TRAK1: variants seen among roughly 807,000 people sequenced by gnomAD.
TRAK1 encodes the protein trafficking kinesin protein 1.
In TRAK1, 33 loss-of-function variants were observed where a neutral mutation model predicts 92.1. The observed-to-expected ratio is 0.36, with a 90% CI of 0.27 to 0.48. The LOEUF (loss-of-function observed/expected upper bound fraction) is 0.48. Among genes scored for constraint, TRAK1 ranks in the 20% least tolerant of loss-of-function variants. The pLI is 0.99. For missense variants in TRAK1, 1,123 were observed against 1,257.9 expected (o/e 0.89, Z 1.62); for synonymous variants, 521 against 517.3 (o/e 1.01, Z -0.10).
At chr3:42,211,913 T>C in intron 14 of TRAK1, 1 of 985,364 alleles carries the variant, frequency 1.0e-6, no homozygotes, top group Non-Finnish European at 1.2e-6. Context: ...AGGTGTGTAA[T>C]AAAAAAGAAT....
intron 2 of TRAK1, among the ~76,000 whole-genome samples, chr3:42,156,062 C>G (rs189529437): frequency 1.9e-4 from 29 of 152,296 alleles, no homozygotes; most frequent in African/African-American, 5.5e-4. Context: ...GCCTTTGATA[C>G]GGCACACACA....
At chr3:42,205,102 G>GCTC (rs1708177735) in intron 13 of TRAK1, among the ~76,000 whole-genome samples, 2 of 152,118 alleles carry the variant, frequency 1.3e-5, no homozygotes, top group African/African-American at 4.8e-5. Context: ...ATAGCCATCA[G>GCTC]ACCAGACTGT....
intron 2 of TRAK1, among the ~76,000 whole-genome samples, chr3:42,125,975 C>T (rs1403876795): frequency 6.6e-5 from 10 of 151,970 alleles, no homozygotes; most frequent in African/African-American, 2.4e-4. Context: ...TTCAGCCTCC[C>T]GAGTAGCTGG....
At chr3:42,064,316 T>G (rs985456193) in intron 1 of TRAK1, among the ~76,000 whole-genome samples, 3 of 151,070 alleles carry the variant, frequency 2.0e-5, no homozygotes, top group African/African-American at 7.3e-5. Flanking sequence ...ATACAAAAAT[T>G]AGCCAGTCTT....
In TRAK1 at chr3:42,189,127, G is replaced by GATGTGCCCTCCCTTCTCTTGC; in HGVS notation, c.690+4_690+24dup. On this transcript the variant is annotated splice_donor_region_variant and intron_variant, in intron 6 of 15. Coordinates refer to ENST00000327628, the MANE Select transcript of TRAK1 (RefSeq NM_001042646.3). Reference sequence around the variant, plus strand: ...AGAATGTTGTACTTCGATCCGAGGTGATGTGCCCTCCCTTCTCTTGCCCCT... The same window carrying GATGTGCCCTCCCTTCTCTTGC: ...AGAATGTTGTACTTCGATCCGAGGTGATGTGCCCTCCCTTCTCTTGCATGTGCCCTCCCTTCTCTTGCCCCT... The GATGTGCCCTCCCTTCTCTTGC allele has an allele frequency of 3.1e-6, 5 of 1,607,332 alleles. No homozygotes were observed. The highest frequency in any genetic ancestry group is 4.3e-6 in the Non-Finnish European group (5 of 1,173,752).
chr3:42,123,297 G>A (rs1710136742), intron 1 of TRAK1, among the ~76,000 whole-genome samples: 1 of 152,230 alleles, frequency 6.6e-6, no homozygotes, highest in Non-Finnish European at 1.5e-5. Context: ...CTACCTGAGT[G>A]TGTACAGGCC....
At chr3:42,185,025 G>A (rs1704591759) in intron 4 of TRAK1, 2 of 524,624 alleles carry the variant, frequency 3.8e-6, no homozygotes, top group East Asian at 6.1e-5. Flanking sequence ...TCTTTCCTCA[G>A]GCCATGTGGA....
At chr3:42,029,101 A>G (rs1206465782) in intron 1 of TRAK1, among the ~76,000 whole-genome samples, 5 of 152,122 alleles carry the variant, frequency 3.3e-5, no homozygotes, top group African/African-American at 1.2e-4. Context: ...GAGAAAAGAT[A>G]GAGGTGCTAC....
chr3:42,043,410 C>T (rs908585627), intron 1 of TRAK1, among the ~76,000 whole-genome samples: 1 of 151,946 alleles, frequency 6.6e-6, no homozygotes, highest in Admixed American at 6.6e-5. Context: ...TGCCTTTTCT[C>T]CTCCTAGTCC....
At chr3:42,039,405 C>A (rs1201670171) in intron 1 of TRAK1, among the ~76,000 whole-genome samples, 1 of 152,128 alleles carries the variant, frequency 6.6e-6, no homozygotes, top group Non-Finnish European at 1.5e-5. Context: ...GTTCTGTCAC[C>A]CAGGCTGGAG....
intron 2 of TRAK1, among the ~76,000 whole-genome samples, chr3:42,165,462 A>G (rs1193812012): frequency 6.6e-6 from 1 of 152,202 alleles, no homozygotes; most frequent in African/African-American, 2.4e-5. Flanking sequence ...TTCAGCACAG[A>G]TGGAGCACAT....
intron 1 of TRAK1, among the ~76,000 whole-genome samples, chr3:42,042,181 C>T (rs1702570221): frequency 2.0e-5 from 3 of 152,138 alleles, no homozygotes; most frequent in African/African-American, 7.2e-5. Flanking sequence ...CCCACCTTGA[C>T]CTCCCAAAGT....
chr3:42,179,433 T>G (rs1338221110), intron 3 of TRAK1, among the ~76,000 whole-genome samples: 1 of 152,190 alleles, frequency 6.6e-6, no homozygotes, highest in Non-Finnish European at 1.5e-5. Flanking sequence ...AGAGTTCGCT[T>G]CTGGTTTTAA....
upstream of TRAK1, among the ~76,000 whole-genome samples, chr3:42,089,521 G>A (rs1704873902): frequency 6.6e-6 from 1 of 152,126 alleles, no homozygotes; most frequent in Non-Finnish European, 1.5e-5. Flanking sequence ...TGCCTCCTCT[G>A]TGCCCTCCGT....
At chr3:42,054,041 A>C (rs1703093831) in intron 1 of TRAK1, among the ~76,000 whole-genome samples, 1 of 152,202 alleles carries the variant, frequency 6.6e-6, no homozygotes, top group Non-Finnish European at 1.5e-5. Context: ...AGATTTAGTG[A>C]GCACCTGCTA....
chr3:42,139,275 C>T (rs565202351), intron 2 of TRAK1, among the ~76,000 whole-genome samples: 9 of 152,284 alleles, frequency 5.9e-5, no homozygotes, highest in African/African-American at 2.2e-4. Context: ...CTTCTCTTCT[C>T]TTACTGCTCA....
At chr3:42,177,156 T>TA (rs1306084080) in intron 3 of TRAK1, among the ~76,000 whole-genome samples, 2 of 152,212 alleles carry the variant, frequency 1.3e-5, no homozygotes, top group African/African-American at 2.4e-5. Context: ...GTTGTAAGTA[T>TA]AAAAAATCCT....
chr3:42,096,473 C>T (rs1046004574), intron 1 of TRAK1, among the ~76,000 whole-genome samples: 1 of 152,158 alleles, frequency 6.6e-6, no homozygotes, highest in Non-Finnish European at 1.5e-5. Context: ...AGGCTGGTCT[C>T]GAACTCGTGT....
chr3:42,058,759 G>C (rs1232191398), intron 1 of TRAK1, among the ~76,000 whole-genome samples: 8 of 152,094 alleles, frequency 5.3e-5, no homozygotes, highest in African/African-American at 1.9e-4. Context: ...TTGTTGCGCT[G>C]AGCTCCCACC....
Sources: allele counts gnomAD v4.1 joint callset (sites outside exome capture counted in the v4.1 genomes callset), GRCh38; gene constraint gnomAD v4.1.1; transcripts MANE v1.5; gene names NCBI Gene and HGNC (gene_info 2026-07-23, HGNC 2026-07-21).